ARHGAP36: variants seen among roughly 807,000 people sequenced by gnomAD.
ARHGAP36 encodes the protein rho GTPase-activating protein 36.
ARHGAP36 carries 7 observed loss-of-function variants against 32.9 expected under a neutral mutation model. The observed-to-expected ratio is 0.21, with a 90% CI of 0.12 to 0.40. The LOEUF is 0.40. Ranked by LOEUF, ARHGAP36 falls within the 10% of genes least tolerant of loss-of-function variation. ARHGAP36 has a pLI of 1.00. For synonymous variants in ARHGAP36, 165 were observed against 168.3 expected (o/e 0.98, Z 0.15); for missense variants, 383 against 442.2 (o/e 0.87, Z 1.20).
chrX:131,073,165 T>A (rs778507838), intron 1 of ARHGAP36, among the ~76,000 whole-genome samples: 31 of 112,704 alleles, frequency 2.8e-4, no homozygotes, highest in Non-Finnish European at 5.3e-4. Flanking sequence ...GCGTTCGATG[T>A]CTCAAACGTA....
intron 1 of ARHGAP36, among the ~76,000 whole-genome samples, chrX:131,071,099 G>A (rs2079731051): frequency 9.0e-6 from 1 of 110,973 alleles, no homozygotes; most frequent in South Asian, 3.9e-4. Flanking sequence ...GCTGCAGTGA[G>A]GAAGGGGAGC....
At chrX:131,066,929 C>CATT (rs1470551294) in intron 1 of ARHGAP36, among the ~76,000 whole-genome samples, 3 of 111,599 alleles carry the variant, frequency 2.7e-5, no homozygotes, top group African/African-American at 6.5e-5. Context: ...CAAATGGCAA[C>CATT]ATTATTATTA....
chrX:131,081,294 A>G (rs748153011), intron 1 of ARHGAP36, among the ~76,000 whole-genome samples: 109 of 109,232 alleles, frequency 1.0e-3, no homozygotes, highest in Non-Finnish European at 1.5e-3. Flanking sequence ...ATCGTCATGG[A>G]AAGAAAAAAA....
chrX:131,070,804 G>A (rs2079729791), intron 1 of ARHGAP36, among the ~76,000 whole-genome samples: 1 of 108,705 alleles, frequency 9.2e-6, no homozygotes, highest in Admixed American at 1.0e-4. Context: ...TGTAATCCAG[G>A]CCTCTTCTAG....
At chrX:131,086,774 A>G (rs778538535) in intron 11 of ARHGAP36, 109 bp downstream of exon 11, 20 of 592,333 alleles carry the variant, frequency 3.4e-5, no homozygotes, top group Non-Finnish European at 5.1e-5. Flanking sequence ...CTTGAGGAAG[A>G]TGAGTCCTCT....
At chrX:131,068,090 A>G (rs1044781527) in intron 1 of ARHGAP36, among the ~76,000 whole-genome samples, 1 of 111,697 alleles carries the variant, frequency 9.0e-6, no homozygotes, top group African/African-American at 3.3e-5. Context: ...ACAACCTATA[A>G]GCGTGCACAC....
chrX:131,059,699 T>G (rs1216538550), intron 1 of ARHGAP36, among the ~76,000 whole-genome samples: 1 of 112,194 alleles, frequency 8.9e-6, no homozygotes, highest in Non-Finnish European at 1.9e-5. Flanking sequence ...CACACAGAGT[T>G]TAATTTTTTC....
At chrX:131,083,688 C>T (rs2079818550) in intron 3 of ARHGAP36, 46 bp from the exon 4 acceptor site, 1 of 1,160,727 alleles carries the variant, frequency 8.6e-7, no homozygotes, top group African/African-American at 1.8e-5. Flanking sequence ...GATTTAAGCG[C>T]TGCGAGGCTT....
intron 11 of ARHGAP36, 46 bp from the exon 12 acceptor site, chrX:131,088,582 A>G (rs2079848545): frequency 8.4e-7 from 1 of 1,184,643 alleles, no homozygotes; most frequent in Non-Finnish European, 1.1e-6. Context: ...TGCGCAAAGT[A>G]TAAAGTCTAG....
rs1240468668 is a variant in ARHGAP36, at chrX:131,083,061, C to G, written c.254-104C>G. The G allele has an allele frequency of 4.7e-6, 4 of 845,354 alleles. No homozygotes were observed. The East Asian group carries it at 9.7e-5, about 21-fold the overall frequency. 69.7% of individuals were successfully genotyped at this position (845,354 alleles called of 1,213,427 possible). ...TTCGCCCGCTGGGCAGAGCTCGCCT[C>G]TCTGCCGCTCCCTCCCCCTGCTGCA... is the stretch of plus-strand genomic sequence containing the variant. On this transcript the variant is annotated intron_variant, in intron 2 of 11. Coordinates refer to ENST00000276211, the MANE Select transcript of ARHGAP36 (RefSeq NM_144967.4).
At chrX:131,082,314 CAG>C (rs1176918953) in intron 2 of ARHGAP36, among the ~76,000 whole-genome samples, 3 of 111,922 alleles carry the variant, frequency 2.7e-5, no homozygotes, top group African/African-American at 9.7e-5. Context: ...GGTCGAGAGA[CAG>C]AGAGTAGAGG....
intron 1 of ARHGAP36, among the ~76,000 whole-genome samples, chrX:131,065,256 A>G (rs1367890963): frequency 1.8e-5 from 2 of 112,053 alleles, no homozygotes; most frequent in Non-Finnish European, 3.8e-5. Flanking sequence ...TTCAGAGTTG[A>G]AGTTTGTCTT....
At chrX:131,084,893 C>T in intron 6 of ARHGAP36, 21 bp from the exon 7 acceptor site, 1 of 1,208,650 alleles carries the variant, frequency 8.3e-7, no homozygotes, top group Non-Finnish European at 1.1e-6. Flanking sequence ...GCAGACAGTC[C>T]CTGTCTTCTC....
At chrX:131,075,425 G>T (rs189060962) in intron 1 of ARHGAP36, among the ~76,000 whole-genome samples, 2 of 110,654 alleles carry the variant, frequency 1.8e-5, no homozygotes, top group Admixed American at 1.9e-4. Flanking sequence ...CTGTCAGGTT[G>T]GGGGTGGGCT....
rs773732451 is a variant in ARHGAP36 at position 131,086,626 on chromosome X, C to T, written c.1447C>T (p.Arg483Trp). The T allele has an allele frequency of 1.2e-4, 142 of 1,210,176 alleles. No individual in the cohort carries two copies. The East Asian group carries it at 3.7e-3, about 32-fold the overall frequency. Residue 483 changes from arginine (R) to tryptophan (W), a missense_variant, in exon 11 of 12, where the codon CGG (arginine) becomes TGG (tryptophan). Around this residue, in one of 2 missense-constraint regions of ARHGAP36, gnomAD observed 227 missense variants for 311.3 expected, o/e 0.73. Transcript: ENST00000276211. ...SDPVETSAEA[R>W]AAVLAQSKPS... ...TCCAGTGGAAACCTCTGCTGAAGCC[C>T]GGGCTGCTGTCCTTGCTCAAAGCAA...
chrX:131,086,317 T>C lies in ARHGAP36; in HGVS notation c.1282-12T>C. ...GTGTAATGATGGCTAATGTTGCTAA[T>C]TCTACCCTCAGGTGCCTCCCCATAT... On this transcript the variant is annotated splice_polypyrimidine_tract_variant and intron_variant, in intron 9 of 11. Coordinates refer to ENST00000276211, the MANE Select transcript of ARHGAP36 (RefSeq NM_144967.4). The C allele has an allele frequency of 8.3e-7, 1 of 1,209,329 alleles. No individual in the cohort carries two copies. Among genetic ancestry groups the C allele is most frequent in the Non-Finnish European group, 1.1e-6 (1 of 893,231 alleles).
chrX:131,060,679 T>G (rs5977408), intron 1 of ARHGAP36, among the ~76,000 whole-genome samples: 9,072 of 112,242 alleles, frequency 0.081, 543 homozygotes, highest in African/African-American at 0.21. Flanking sequence ...AGTCTGGTGG[T>G]ACCTGTTCCC....
chrX:131,069,404 G>A (rs2079720949), intron 1 of ARHGAP36, among the ~76,000 whole-genome samples: 1 of 112,084 alleles, frequency 8.9e-6, no homozygotes, highest in African/African-American at 3.2e-5. Flanking sequence ...CTTCTTAGCT[G>A]ACTAACGTGG....
Position 131,075,623 on chromosome X carries a change from A to ATGTGTGTGTGTGTG in ARHGAP36, c.-142-5885_-142-5872dup, listed in dbSNP as rs5903808. ...CACGCATATATATGTGTGTATATAT[A>ATGTGTGTGTGTGTG]TGTGTGTGTGTGTGTGTGTGTGTGT... On this transcript the variant is annotated intron_variant, in intron 1 of 11. Coordinates refer to ENST00000276211, the MANE Select transcript of ARHGAP36 (RefSeq NM_144967.4). 3.0e-3 allele frequency among the ~76,000 whole-genome samples: 294 copies of ATGTGTGTGTGTGTG among 98,164 alleles called. 2 individuals are homozygous for ATGTGTGTGTGTGTG. Among genetic ancestry groups the ATGTGTGTGTGTGTG allele is most frequent in the African/African-American group, 1.0e-2 (264 of 26,509 alleles). The allele number at this position is 98,164 out of a possible 115,157, so 85.2% of individuals were successfully genotyped here. A position where few individuals can be genotyped will look rare whatever the true frequency, so the allele number is the denominator to read the frequency against.
Sources: allele counts gnomAD v4.1 joint callset (sites outside exome capture counted in the v4.1 genomes callset), GRCh38; gene constraint gnomAD v4.1.1; regional missense constraint gnomAD v4.1.1; transcripts MANE v1.5; gene names NCBI Gene and HGNC (gene_info 2026-07-23, HGNC 2026-07-21).